Variants in TENM3 observed in about 807,000 individuals in gnomAD.
TENM3 encodes the protein teneurin transmembrane protein 3.
TENM3 carries 63 observed loss-of-function variants against 255.1 expected under a neutral mutation model. The observed-to-expected ratio is 0.25, with a 90% CI of 0.20 to 0.30. TENM3 has a LOEUF of 0.30. Ranked by LOEUF, TENM3 falls within the 10% of genes least tolerant of loss-of-function variation. The pLI, the probability that TENM3 is intolerant of heterozygous loss-of-function variation, is 1.00. For missense variants in TENM3, 2,929 were observed against 3,461.1 expected, an observed-to-expected ratio of 0.85 and a Z score of 3.86; for synonymous variants, 1,306 against 1,322.3, an observed-to-expected ratio of 0.99 and a Z score of 0.27.
intron 1 of TENM3, among the ~76,000 whole-genome samples, chr4:182,183,502 C>T (rs1238802253): frequency 6.6e-6 from 1 of 152,156 alleles, no homozygotes; most frequent in Admixed American, 6.5e-5. Flanking sequence ...GAAATAATTT[C>T]TACTCCCGTG....
intron 1 of TENM3, among the ~76,000 whole-genome samples, chr4:182,156,235 A>T (rs1056913454): frequency 6.6e-6 from 1 of 152,186 alleles, no homozygotes; most frequent in African/African-American, 2.4e-5. Flanking sequence ...AATATGCAGA[A>T]AAAAAGTCAC....
chr4:181,891,057 C>T, the TENM3 span, among the ~76,000 whole-genome samples: 1 of 152,162 alleles, frequency 6.6e-6, no homozygotes, highest in Non-Finnish European at 1.5e-5. Context: ...TGAAGGCATA[C>T]TCTCTGTGGG....
intron 12 of TENM3, among the ~76,000 whole-genome samples, chr4:182,694,799 G>A (rs1003442765): frequency 3.9e-5 from 6 of 152,122 alleles, no homozygotes; most frequent in East Asian, 1.9e-4. Flanking sequence ...GAGGTATTTC[G>A]GAAACAAGAT....
At chr4:181,737,524 T>C in the TENM3 span, among the ~76,000 whole-genome samples, 2 of 152,122 alleles carry the variant, frequency 1.3e-5, no homozygotes, top group African/African-American at 2.4e-5. Flanking sequence ...CAAGACCATA[T>C]GTAACTTCTT....
chr4:181,875,356 A>C, the TENM3 span, among the ~76,000 whole-genome samples: 1 of 151,900 alleles, frequency 6.6e-6, no homozygotes, highest in Non-Finnish European at 1.5e-5. Flanking sequence ...TTCATTATTC[A>C]TTAGTTTTTC....
chr4:182,519,247 A>C (rs1738312329), intron 3 of TENM3, among the ~76,000 whole-genome samples: 1 of 152,248 alleles, frequency 6.6e-6, no homozygotes, highest in Non-Finnish European at 1.5e-5. Context: ...CTCTCATATT[A>C]AGTAAACTGC....
At chr4:181,695,712 A>G in the TENM3 span, among the ~76,000 whole-genome samples, 1 of 152,208 alleles carries the variant, frequency 6.6e-6, no homozygotes, top group Admixed American at 6.5e-5. Flanking sequence ...CTAAGCCAGA[A>G]CAGACACAGA....
rs1561149142 is a variant in TENM3 at position 182,159,455 on chromosome 4, TGTGTGTG to T, written c.-76+14702_-76+14708del. 5.3e-3 allele frequency among the ~76,000 whole-genome samples: 477 copies of T among 90,724 alleles called. 8 individuals carry two copies. The highest frequency in any genetic ancestry group is 0.012 in the African/African-American group (379 of 30,452). The allele number at this position is 90,724 out of a possible 152,430, so 59.5% of individuals were successfully genotyped here. ...AATGGATAGTGTGTATGAGTGTGTG[TGTGTGTG>T]TGTGTGTGTGTGTGTGTGTGTGTAT... On this transcript the variant is annotated intron_variant, in intron 1 of 2. Transcript: ENST00000512480.
At chr4:181,872,221 C>T in the TENM3 span, among the ~76,000 whole-genome samples, 1 of 150,356 alleles carries the variant, frequency 6.7e-6, no homozygotes, top group Non-Finnish European at 1.5e-5. Context: ...TTTTTCATTG[C>T]AATTTAAATA....
At chr4:182,306,020 G>A (rs542819053) in intron 1 of TENM3, among the ~76,000 whole-genome samples, 6 of 152,118 alleles carry the variant, frequency 3.9e-5, no homozygotes, top group Non-Finnish European at 8.8e-5. Flanking sequence ...GGAGCTGGAG[G>A]TGCCTGGCCC....
At chr4:182,654,833 A>T (rs1002196169) in intron 6 of TENM3, among the ~76,000 whole-genome samples, 2 of 152,214 alleles carry the variant, frequency 1.3e-5, no homozygotes, top group Admixed American at 1.3e-4. Context: ...ATTTACTGGG[A>T]TGAATACTTT....
At chr4:181,608,636 G>A in the TENM3 span, among the ~76,000 whole-genome samples, 1 of 151,850 alleles carries the variant, frequency 6.6e-6, no homozygotes, top group Non-Finnish European at 1.5e-5. Flanking sequence ...GAGAGGAATT[G>A]GTAAAGAACT....
the TENM3 span, among the ~76,000 whole-genome samples, chr4:182,117,662 A>T: frequency 6.6e-6 from 1 of 152,196 alleles, no homozygotes; most frequent in Admixed American, 6.5e-5. Flanking sequence ...ATATTTGTCT[A>T]TTCTTTCACC....
chr4:181,912,286 C>T, the TENM3 span, among the ~76,000 whole-genome samples: 21 of 152,154 alleles, frequency 1.4e-4, no homozygotes, highest in African/African-American at 4.3e-4. Context: ...AATTTTCATT[C>T]CAAGCTCTGA....
At chr4:182,641,042 G>A (rs1448218922) in intron 5 of TENM3, among the ~76,000 whole-genome samples, 1 of 152,166 alleles carries the variant, frequency 6.6e-6, no homozygotes. Flanking sequence ...AACTTGATAA[G>A]GCAGTCTCAC....
chr4:182,230,988 G>A (rs1756536594), intron 1 of TENM3, among the ~76,000 whole-genome samples: 2 of 151,140 alleles, frequency 1.3e-5, no homozygotes, highest in Admixed American at 1.3e-4. Context: ...CAGACCTGAG[G>A]GTCTCTAACA....
intron 1 of TENM3, among the ~76,000 whole-genome samples, chr4:182,271,198 C>A (rs1014499587): frequency 6.6e-6 from 1 of 152,132 alleles, no homozygotes; most frequent in Non-Finnish European, 1.5e-5. Flanking sequence ...AGGATTCAAT[C>A]TTTGTAACCA....
Position 182,799,246 on chromosome 4 carries a change from A to G in TENM3, c.7345-350A>G, listed in dbSNP as rs937124464. Among the ~76,000 whole-genome samples the G allele has an allele frequency of 6.6e-6, 1 of 152,232 alleles. No individual in the cohort carries two copies. The highest frequency in any genetic ancestry group is 6.5e-5 in the Admixed American group (1 of 15,278). On this transcript the variant is annotated intron_variant, in intron 27 of 27. Coordinates refer to ENST00000511685, the MANE Select transcript of TENM3 (RefSeq NM_001080477.4). This position sits in a 1 kb window ranked among gnomAD's most constrained non-coding sequence, Gnocchi z 4.2. ...CCTGTGGAGAAAGCTACGAGCATGC[A>G]GATCCGGATGAGCTGGGTTCCCCAC...
At chr4:182,522,676 G>T (rs764132807) in intron 3 of TENM3, among the ~76,000 whole-genome samples, 3 of 152,186 alleles carry the variant, frequency 2.0e-5, no homozygotes, top group Non-Finnish European at 2.9e-5. Context: ...ATCTGCCGTG[G>T]TGTATACCAC....
Sources: allele counts gnomAD v4.1 joint callset (sites outside exome capture counted in the v4.1 genomes callset), GRCh38; gene constraint gnomAD v4.1.1; non-coding constraint Gnocchi (gnomAD v3.1); transcripts MANE v1.5; gene names NCBI Gene and HGNC (gene_info 2026-07-23, HGNC 2026-07-21).